The following NBAS variants were observed in gnomAD, a reference collection of about 807,000 sequenced individuals.
NBAS encodes NAG/BC035112 fusion.
Under a neutral mutation model 302.5 loss-of-function variants are expected in NBAS, and 219 were observed. The observed-to-expected ratio is 0.72, with a 90% CI of 0.65 to 0.81. The LOEUF is 0.81. NBAS is among the 30% of genes least tolerant of loss of function. The pLI is 0.00. For missense variants in NBAS, 2,932 were observed against 2,841.6 expected, an observed-to-expected ratio of 1.03 and a Z score of -0.72; for synonymous variants, 1,118 against 1,021.6, an observed-to-expected ratio of 1.09 and a Z score of -1.80.
chr2:15,345,695 CA>C (rs1344204860), intron 35 of NBAS, among the ~76,000 whole-genome samples: 2 of 152,084 alleles, frequency 1.3e-5, no homozygotes, highest in African/African-American at 4.8e-5. Flanking sequence ...CCCATCTAGC[CA>C]ACACAATCCT....
rs114027474 is a variant in NBAS, at chr2:15,446,744, T to C, written c.2339+14457A>G. Among the ~76,000 whole-genome samples, 446 of 152,158 alleles carry C rather than the reference T, an allele frequency of 2.9e-3. 1 individual carries two copies. The highest frequency in any genetic ancestry group is 0.01 in the African/African-American group (416 of 41,520). On this transcript the variant is annotated intron_variant, in intron 21 of 51. Transcript: ENST00000281513. ...GTAAAAGTTAAATGTATGGCAACAATAGTGCAAAAGCCAGAAGGAGGAAAA... is the reference window on the plus strand; with the variant it reads ...GTAAAAGTTAAATGTATGGCAACAACAGTGCAAAAGCCAGAAGGAGGAAAA...
chr2:15,288,678 C>T (rs1670168956), intron 41 of NBAS, among the ~76,000 whole-genome samples: 1 of 152,178 alleles, frequency 6.6e-6, no homozygotes, highest in African/African-American at 2.4e-5. Context: ...CTGCAGGACT[C>T]CTATTTTCCA....
chr2:15,378,097 T>G (rs1674840251), intron 30 of NBAS, among the ~76,000 whole-genome samples: 1 of 152,202 alleles, frequency 6.6e-6, no homozygotes. Flanking sequence ...ACTGAAGAGA[T>G]TCTACCTTTC....
the NBAS span, among the ~76,000 whole-genome samples, chr2:14,999,794 G>A: frequency 5.6e-3 from 849 of 152,272 alleles, 11 homozygotes; most frequent in African/African-American, 0.019. Context: ...AGTTCATTGG[G>A]TTGGAAGCAG....
intron 28 of NBAS, among the ~76,000 whole-genome samples, chr2:15,387,391 T>C (rs934096718): frequency 1.3e-5 from 2 of 152,132 alleles, no homozygotes; most frequent in Non-Finnish European, 2.9e-5. Context: ...CCTGTCTCTA[T>C]TGTAACTGGC....
the NBAS span, among the ~76,000 whole-genome samples, chr2:14,851,215 C>T: frequency 7.3e-6 from 1 of 136,450 alleles, no homozygotes; most frequent in Non-Finnish European, 1.5e-5. Context: ...AGGGAAGAAT[C>T]AAATAGACAC....
At chr2:15,002,480 A>G in the NBAS span, among the ~76,000 whole-genome samples, 1 of 152,128 alleles carries the variant, frequency 6.6e-6, no homozygotes, top group Non-Finnish European at 1.5e-5. Flanking sequence ...CACCCAGTGG[A>G]TCCCGCACCG....
chr2:14,969,969 C>A, the NBAS span, among the ~76,000 whole-genome samples: 1 of 151,966 alleles, frequency 6.6e-6, no homozygotes, highest in Non-Finnish European at 1.5e-5. Flanking sequence ...CTGAAACTTG[C>A]CCAAAGGTAA....
At chr2:15,452,795 C>T (rs1290520710) in intron 21 of NBAS, among the ~76,000 whole-genome samples, 7 of 152,132 alleles carry the variant, frequency 4.6e-5, no homozygotes, top group Admixed American at 2.0e-4. Flanking sequence ...TTTCCAGATT[C>T]GGTTTCAAGA....
At chr2:15,137,886 T>C in the NBAS span, among the ~76,000 whole-genome samples, 1 of 152,186 alleles carries the variant, frequency 6.6e-6, no homozygotes, top group Non-Finnish European at 1.5e-5. Flanking sequence ...AGCAACCCTC[T>C]TGTCTCAGCC....
intron 44 of NBAS, among the ~76,000 whole-genome samples, chr2:15,249,134 T>A (rs1224144152): frequency 6.6e-6 from 1 of 152,130 alleles, no homozygotes; most frequent in Non-Finnish European, 1.5e-5. Flanking sequence ...GTCAGCTTCA[T>A]CCCGGGGATG....
At chr2:15,195,122 A>C (rs1182914379) in intron 48 of NBAS, among the ~76,000 whole-genome samples, 1 of 152,200 alleles carries the variant, frequency 6.6e-6, no homozygotes, top group African/African-American at 2.4e-5. Context: ...AAAATAAATT[A>C]TTTACATGTA....
intron 8 of NBAS, among the ~76,000 whole-genome samples, chr2:15,535,472 A>G (rs961525363): frequency 6.6e-6 from 1 of 151,884 alleles, no homozygotes; most frequent in Non-Finnish European, 1.5e-5. Context: ...CAGTGAGCCA[A>G]GATCACTCAA....
At chr2:15,225,963 A>G (rs188346193) in intron 47 of NBAS, among the ~76,000 whole-genome samples, 29 of 152,366 alleles carry the variant, frequency 1.9e-4, no homozygotes, top group Non-Finnish European at 3.4e-4. Flanking sequence ...TGGACTGGGT[A>G]TCACTTGGGA....
chr2:15,258,697 G>A (rs758455218), intron 44 of NBAS, among the ~76,000 whole-genome samples: 1 of 152,150 alleles, frequency 6.6e-6, no homozygotes, highest in African/African-American at 2.4e-5. Context: ...GTTTTCTGTT[G>A]TTTAAGATGT....
chr2:15,377,977 G>C (rs1405481216), intron 30 of NBAS, among the ~76,000 whole-genome samples: 1 of 152,100 alleles, frequency 6.6e-6, no homozygotes, highest in Admixed American at 6.6e-5. Flanking sequence ...CTGTTAACCA[G>C]AAAATCTGAG....
At chr2:15,464,956 A>T (rs1229471259) in intron 19 of NBAS, among the ~76,000 whole-genome samples, 1 of 152,228 alleles carries the variant, frequency 6.6e-6, no homozygotes, top group African/African-American at 2.4e-5. Flanking sequence ...CTCGTCAGAG[A>T]GACCTGATTA....
At chr2:15,091,887 G>A in the NBAS span, among the ~76,000 whole-genome samples, 7 of 152,112 alleles carry the variant, frequency 4.6e-5, no homozygotes, top group Non-Finnish European at 8.8e-5. Context: ...TTGCTGTAAG[G>A]ATACGGTATA....
intron 35 of NBAS, among the ~76,000 whole-genome samples, chr2:15,337,578 T>C (rs1464284181): frequency 6.6e-6 from 1 of 152,182 alleles, no homozygotes. Flanking sequence ...TAGCTCAAGA[T>C]AGGAGACTTA....
Sources: allele counts gnomAD v4.1 joint callset (sites outside exome capture counted in the v4.1 genomes callset), GRCh38; gene constraint gnomAD v4.1.1; transcripts MANE v1.5; gene names NCBI Gene and HGNC (gene_info 2026-07-23, HGNC 2026-07-21).